Variants in ACOX3 observed in about 807,000 individuals in gnomAD.
ACOX3 encodes peroxisomal acyl-coenzyme A oxidase 3.
In ACOX3, 73 loss-of-function variants were observed where a neutral mutation model predicts 81.5. The observed-to-expected ratio is 0.90, with a 90% CI of 0.74 to 1.09. The LOEUF (loss-of-function observed/expected upper bound fraction) is 1.09. ACOX3 is among the 50% of genes least tolerant of loss of function. The pLI is 0.00. For missense variants in ACOX3, 947 were observed against 928.0 expected, an observed-to-expected ratio of 1.02 and a Z score of -0.27; for synonymous variants, 387 against 375.1, an observed-to-expected ratio of 1.03 and a Z score of -0.37.
chr4:8,411,430 G>A (rs779675503), intron 5 of ACOX3, among the ~76,000 whole-genome samples: 2 of 152,212 alleles, frequency 1.3e-5, no homozygotes, highest in South Asian at 2.1e-4. Context: ...GAAGTAGGAG[G>A]TGGGGTGGCT....
In ACOX3 at chr4:8,414,285, T is replaced by G. The variant is rs914703479; in HGVS notation, c.543+7A>C. 2 of 1,610,894 alleles carry G rather than the reference T, an allele frequency of 1.2e-6. No homozygotes were observed. The highest frequency in any genetic ancestry group is 4.5e-5 in the East Asian group (2 of 44,864). On this transcript the variant is annotated splice_region_variant and intron_variant, in intron 5 of 17. Coordinates refer to ENST00000356406, the MANE Select transcript of ACOX3 (RefSeq NM_003501.3). The surrounding 1 kb of genome is among the most constrained non-coding windows in gnomAD (Gnocchi z 6.1). ...AACTCAGGGACCCGGGGGAAGGTAA[T>G]ACCTACCTCAGTGGCAGGATCGTAG... is the stretch of plus-strand genomic sequence containing the variant.
intron 6 of ACOX3, among the ~76,000 whole-genome samples, chr4:8,409,102 C>A (rs942661827): frequency 6.6e-6 from 1 of 152,124 alleles, no homozygotes; most frequent in Admixed American, 6.5e-5. Context: ...TGTAACCTTA[C>A]AATGAAAAAA....
intron 5 of ACOX3, among the ~76,000 whole-genome samples, 199 bp from the exon 6 acceptor site, chr4:8,410,554 TAAAG>T (rs1721605212): frequency 6.6e-6 from 1 of 152,202 alleles, no homozygotes; most frequent in South Asian, 2.1e-4. Context: ...CCTTATGACT[TAAAG>T]AACCTTCAGA....
At chr4:8,411,897 T>C (rs1442715528) in intron 5 of ACOX3, among the ~76,000 whole-genome samples, 1 of 152,174 alleles carries the variant, frequency 6.6e-6, no homozygotes, top group Non-Finnish European at 1.5e-5. Flanking sequence ...GCTGTCCAAA[T>C]AAATGCTCAG....
downstream of ACOX3, among the ~76,000 whole-genome samples, chr4:8,365,162 C>G (rs552361418): frequency 5.3e-5 from 8 of 152,212 alleles, no homozygotes; most frequent in Admixed American, 4.6e-4. Context: ...GGGCTGGGGA[C>G]CCCGGGCCCG....
In ACOX3 at chr4:8,394,283, G is replaced by A. The variant is rs1441029405; in HGVS notation, c.1179+337C>T. Among the ~76,000 whole-genome samples, 1 of 152,172 alleles carries A rather than the reference G, an allele frequency of 6.6e-6. No individual in the cohort carries two copies. Among genetic ancestry groups the A allele is most frequent in the Non-Finnish European group, 1.5e-5 (1 of 68,038 alleles). Reference sequence around the variant, plus strand: ...GTGGGATTCAGACCTTTGTGCAGCTGTTTACAAAAGGCTCAGAACCATGAA... The same window carrying A: ...GTGGGATTCAGACCTTTGTGCAGCTATTTACAAAAGGCTCAGAACCATGAA... On this transcript the variant is annotated intron_variant, in intron 10 of 17. Coordinates refer to ENST00000356406, the MANE Select transcript of ACOX3 (RefSeq NM_003501.3). This position sits in a 1 kb window ranked among gnomAD's most constrained non-coding sequence, Gnocchi z 5.9.
downstream of ACOX3, among the ~76,000 whole-genome samples, chr4:8,365,459 T>C (rs1715353001): frequency 6.6e-6 from 1 of 152,198 alleles, no homozygotes; most frequent in African/African-American, 2.4e-5. Flanking sequence ...CACCTACCTA[T>C]TGCGTCTCAG....
In ACOX3 at chr4:8,384,492, G is replaced by A. The variant is rs539358755; in HGVS notation, c.1538-2885C>T. 3.2e-3 allele frequency among the ~76,000 whole-genome samples: 484 copies of A among 152,252 alleles called. 4 individuals carry two copies. Among genetic ancestry groups the A allele is most frequent in the African/African-American group, 0.011 (463 of 41,540 alleles). ...CTGGCGGCCTGAGGACACACCCAGC[G>A]TCAACAACCTCTGTCCTCAAGACTC... is the stretch of plus-strand genomic sequence containing the variant. On this transcript the variant is annotated intron_variant, in intron 13 of 17. Transcript: ENST00000356406. This position sits in a 1 kb window ranked among gnomAD's most constrained non-coding sequence, Gnocchi z 5.3.
Position 8,410,441 on chromosome 4 carries a change from T to A in ACOX3, c.544-86A>T. The A allele has an allele frequency of 3.3e-6, 5 of 1,518,560 alleles. No homozygotes were observed. The South Asian group carries it at 6.1e-5, about 19-fold the overall frequency. 94.1% of individuals were successfully genotyped at this position (1,518,560 alleles called of 1,614,324 possible). The stretch of plus-strand genomic sequence containing the variant: ...GTTTTCCTTTTAGACAGATTCCATT[T>A]TCTACGTTCAAAATCTCTGAGGCAA... On this transcript the variant is annotated intron_variant, in intron 5 of 17. Coordinates refer to ENST00000356406, the MANE Select transcript of ACOX3 (RefSeq NM_003501.3).
chr4:8,398,751 C>T (rs867135811), intron 8 of ACOX3, among the ~76,000 whole-genome samples: 6 of 152,198 alleles, frequency 3.9e-5, no homozygotes, highest in Admixed American at 2.6e-4. Flanking sequence ...GCTAGGGTTA[C>T]GGGCGTGAGC....
At chr4:8,377,008 C>A (rs1361823086) in intron 14 of ACOX3, among the ~76,000 whole-genome samples, 1 of 151,990 alleles carries the variant, frequency 6.6e-6, no homozygotes, top group Non-Finnish European at 1.5e-5. Context: ...AGGCCTCAGC[C>A]CTTCCTCCTT....
chr4:8,377,673 C>CG (rs964645471), intron 14 of ACOX3, among the ~76,000 whole-genome samples: 10 of 152,248 alleles, frequency 6.6e-5, no homozygotes, highest in East Asian at 3.9e-4. Context: ...CAGCAGTCAC[C>CG]GGGGGGGACA....
rs905692050 is a variant in ACOX3, at chr4:8,394,561, T to C, written c.1179+59A>G. The stretch of plus-strand genomic sequence containing the variant: ...TGCTTTGAAATGAAGGTTGAATCTA[T>C]GCTGCTCCAACCGTGTGAGATTTAA... On this transcript the variant is annotated intron_variant, in intron 10 of 17. Transcript: ENST00000356406. The surrounding 1 kb of genome is among the most constrained non-coding windows in gnomAD (Gnocchi z 5.9). 8.2e-6 allele frequency: 13 copies of C among 1,594,792 alleles called. No individual in the cohort carries two copies. The highest frequency in any genetic ancestry group is 1.1e-5 in the Non-Finnish European group (13 of 1,169,244).
intron 6 of ACOX3, among the ~76,000 whole-genome samples, chr4:8,408,625 G>C (rs1345348139): frequency 6.6e-6 from 1 of 152,126 alleles, no homozygotes; most frequent in Non-Finnish European, 1.5e-5. Context: ...CAGAAACAAG[G>C]CACACTGGCC....
At position 8,386,460 on chromosome 4, in the gene ACOX3, G is replaced by A. The variant is rs1010177540; in HGVS notation, c.1537+2713C>T. Among the ~76,000 whole-genome samples the A allele has an allele frequency of 2.0e-5, 3 of 151,876 alleles. No homozygotes were observed. The highest frequency in any genetic ancestry group is 6.6e-5 in the Admixed American group (1 of 15,254). ...GGGCTCCTGTAGTCCCAGCTACTCCGGAGGCTGAGGCAGGAGAATGGCGAG... is the reference window on the plus strand; with the variant it reads ...GGGCTCCTGTAGTCCCAGCTACTCCAGAGGCTGAGGCAGGAGAATGGCGAG... On this transcript the variant is annotated intron_variant, in intron 13 of 17. Transcript: ENST00000356406. This position sits in a 1 kb window ranked among gnomAD's most constrained non-coding sequence, Gnocchi z 5.2.
chr4:8,383,238 G>A (rs550569737), intron 13 of ACOX3, among the ~76,000 whole-genome samples: 11 of 152,326 alleles, frequency 7.2e-5, no homozygotes, highest in Non-Finnish European at 1.0e-4. Context: ...AGGGTTGGGC[G>A]GAGGCTTCCT....
At position 8,389,868 on chromosome 4, in the gene ACOX3, G is replaced by A. The variant is rs115436891; in HGVS notation, c.1301-134C>T. ...ACCTGTAATGGCAGCACTTTGGGGG[G>A]CCGAGGCGGGTGGATCACTTGAAGC... On this transcript the variant is annotated intron_variant, in intron 11 of 17. Transcript: ENST00000356406. This position sits in a 1 kb window ranked among gnomAD's most constrained non-coding sequence, Gnocchi z 5.3. 1,012 of 1,190,744 alleles carry A rather than the reference G, an allele frequency of 8.5e-4. 12 individuals are homozygous for A. In the African/African-American group the frequency reaches 0.014, roughly 16 times the overall value. 73.8% of individuals were successfully genotyped at this position (1,190,744 alleles called of 1,614,324 possible).
rs367849731 is a variant in ACOX3, at chr4:8,394,628, C to T, written c.1171G>A (p.Ala391Thr). ...QRGLASGDRS[A>T]RQAELGREIH... ...AGCAGACACCACCTCACCTGTCTGG[C>T]GCTGCGGTCTCCCGATGCAAGTCCT... is the stretch of plus-strand genomic sequence containing the variant. Residue 391 changes from alanine to threonine, a missense_variant, in exon 10 of 18, where the codon GCC (alanine) becomes ACC (threonine). Coordinates refer to ENST00000356406, the MANE Select transcript of ACOX3 (RefSeq NM_003501.3). This position sits in a 1 kb window ranked among gnomAD's most constrained non-coding sequence, Gnocchi z 5.9. 31 of 1,613,426 alleles carry T rather than the reference C, an allele frequency of 1.9e-5. No homozygotes were observed. The highest frequency in any genetic ancestry group is 2.7e-5 in the African/African-American group (2 of 74,936).
intron 6 of ACOX3, among the ~76,000 whole-genome samples, chr4:8,409,617 G>GGGGCTGTCTGTGCACTGTGGGCA (rs1181605518): frequency 0.24 from 27,912 of 115,952 alleles, 5,569 homozygotes; most frequent in Non-Finnish European, 0.33. Context: ...TACTGTGGGT[G>GGGGCTGTCTGTGCACTGTGGGCA]GGGCTGTCTG....
Sources: allele counts gnomAD v4.1 joint callset (sites outside exome capture counted in the v4.1 genomes callset), GRCh38; gene constraint gnomAD v4.1.1; non-coding constraint Gnocchi (gnomAD v3.1); transcripts MANE v1.5; gene names NCBI Gene and HGNC (gene_info 2026-07-23, HGNC 2026-07-21).